Variants in C10orf90 observed in about 807,000 individuals in gnomAD.
C10orf90 encodes the protein (E2-independent) E3 ubiquitin-conjugating enzyme FATS.
A neutral mutation model predicts 62.5 loss-of-function variants in C10orf90; 56 were observed. The ratio of observed to expected loss-of-function variants is 0.90; its 90% CI spans 0.72 to 1.12. The LOEUF (loss-of-function observed/expected upper bound fraction) is 1.12. Among genes scored for constraint, C10orf90 ranks in the 50% most tolerant of loss-of-function variants. The pLI, the probability that C10orf90 is intolerant of heterozygous loss-of-function variation, is 0.00. For synonymous variants in C10orf90, 386 were observed against 340.4 expected (o/e 1.13, Z -1.47); for missense variants, 970 against 880.4 (o/e 1.10, Z -1.29).
chr10:126,662,018 G>C (rs1191412494), intron 1 of C10orf90, among the ~76,000 whole-genome samples: 1 of 151,094 alleles, frequency 6.6e-6, no homozygotes, highest in Non-Finnish European at 1.5e-5. Context: ...TTCTTTGAAT[G>C]TTTAGTAATT....
chr10:126,623,805 C>G (rs982580787), intron 2 of C10orf90, among the ~76,000 whole-genome samples: 3 of 141,134 alleles, frequency 2.1e-5, no homozygotes, highest in African/African-American at 8.1e-5. Context: ...CACGCCACTG[C>G]ATTCCAGCCT....
chr10:126,442,633 G>GTGTT (rs1160734939), intron 7 of C10orf90, among the ~76,000 whole-genome samples: 3 of 88,478 alleles, frequency 3.4e-5, no homozygotes, highest in African/African-American at 1.6e-4. Flanking sequence ...TTGTGTGTGT[G>GTGTT]TATATATATA....
rs941971374 is a variant in C10orf90 at position 126,456,803 on chromosome 10, T to C, written c.2188+2237A>G. On this transcript the variant is annotated intron_variant, in intron 7 of 9. Coordinates refer to ENST00000488181, the MANE Select transcript of C10orf90 (RefSeq NM_001350921.2). The surrounding 1 kb of genome is among the most constrained non-coding windows in gnomAD (Gnocchi z 4.9). Reference sequence around the variant, plus strand: ...CAGAGGCAGAGACTGTAGTGCCGCATCTACAAACCAAGGAACATCAAGGAT... The same window carrying C: ...CAGAGGCAGAGACTGTAGTGCCGCACCTACAAACCAAGGAACATCAAGGAT... 8.6e-5 allele frequency among the ~76,000 whole-genome samples: 13 copies of C among 152,030 alleles called. No individual in the cohort carries two copies. The East Asian group carries it at 2.1e-3, about 25-fold the overall frequency.
intron 1 of C10orf90, among the ~76,000 whole-genome samples, chr10:126,647,307 C>A (rs963420917): frequency 1.3e-5 from 2 of 152,190 alleles, no homozygotes; most frequent in African/African-American, 4.8e-5. Flanking sequence ...AGCTGGAGAG[C>A]AACTGTCCTG....
At chr10:126,598,874 C>T (rs1484985332) in intron 2 of C10orf90, among the ~76,000 whole-genome samples, 4 of 151,926 alleles carry the variant, frequency 2.6e-5, no homozygotes, top group East Asian at 3.9e-4. Context: ...TTCCTTTTTT[C>T]GTCCTTCTTT....
At chr10:126,429,059 T>A (rs1012648160) in intron 8 of C10orf90, among the ~76,000 whole-genome samples, 1 of 152,208 alleles carries the variant, frequency 6.6e-6, no homozygotes, top group African/African-American at 2.4e-5. Context: ...TTTGATTTAA[T>A]TATGATAATT....
At chr10:126,435,557 C>T (rs779235985) in intron 7 of C10orf90, among the ~76,000 whole-genome samples, 10 of 152,152 alleles carry the variant, frequency 6.6e-5, no homozygotes, top group Non-Finnish European at 1.2e-4. Context: ...AGCCACAAGC[C>T]TCCCCAGATC....
At chr10:126,526,556 T>A (rs1591070170) in intron 2 of C10orf90, among the ~76,000 whole-genome samples, 2 of 152,328 alleles carry the variant, frequency 1.3e-5, no homozygotes, top group East Asian at 1.9e-4. Flanking sequence ...CTAATTTTTT[T>A]AATAACAGCT....
intron 3 of C10orf90, among the ~76,000 whole-genome samples, chr10:126,512,378 G>C (rs868403885): frequency 7.3e-5 from 4 of 54,814 alleles, no homozygotes; most frequent in African/African-American, 4.0e-4. Context: ...GTGTCTGTGT[G>C]TGTGTGTCTG....
chr10:126,478,800 C>A (rs1380626913), intron 4 of C10orf90, among the ~76,000 whole-genome samples: 1 of 152,122 alleles, frequency 6.6e-6, no homozygotes, highest in Non-Finnish European at 1.5e-5. Context: ...AATGTGCCAA[C>A]TCCTTTCTTG....
intron 2 of C10orf90, among the ~76,000 whole-genome samples, chr10:126,603,922 G>A (rs565245027): frequency 3.9e-5 from 6 of 152,276 alleles, no homozygotes; most frequent in Admixed American, 2.0e-4. Context: ...TTGCTTCACC[G>A]CAAATCCAGA....
chr10:126,478,453 TAAGGCACGACTTTA>T (rs1185985450), intron 4 of C10orf90, among the ~76,000 whole-genome samples: 1 of 152,220 alleles, frequency 6.6e-6, no homozygotes, highest in Admixed American at 6.5e-5. Flanking sequence ...GGCCCATAGC[TAAGGCACGACTTTA>T]AACAGGGGAT....
chr10:126,669,505 C>T (rs180936080), intron 1 of C10orf90, among the ~76,000 whole-genome samples: 7 of 152,300 alleles, frequency 4.6e-5, no homozygotes, highest in Admixed American at 4.6e-4. Flanking sequence ...GGTAAATGAG[C>T]TATATGGGAG....
chr10:126,579,071 T>TTTTTA, intron 2 of C10orf90, among the ~76,000 whole-genome samples: 1 of 142,562 alleles, frequency 7.0e-6, no homozygotes, highest in South Asian at 2.3e-4. Flanking sequence ...AGTTTTTTTT[T>TTTTTA]AAAAAAAAAA....
chr10:126,560,288 T>C (rs1179401987), intron 2 of C10orf90, among the ~76,000 whole-genome samples: 1 of 152,190 alleles, frequency 6.6e-6, no homozygotes, highest in Non-Finnish European at 1.5e-5. Flanking sequence ...AATTTCAGCA[T>C]TCACTTGCAA....
intron 2 of C10orf90, among the ~76,000 whole-genome samples, chr10:126,614,037 G>A (rs1162179539): frequency 6.6e-6 from 1 of 152,166 alleles, no homozygotes; most frequent in Non-Finnish European, 1.5e-5. Context: ...TAATATGGGT[G>A]GGTTACATGT....
chr10:126,559,829 T>C (rs1156270380), intron 2 of C10orf90, among the ~76,000 whole-genome samples: 1 of 152,172 alleles, frequency 6.6e-6, no homozygotes, highest in African/African-American at 2.4e-5. Flanking sequence ...TCAGGAATAT[T>C]TTTTCCTAGT....
intron 2 of C10orf90, among the ~76,000 whole-genome samples, chr10:126,582,333 G>A (rs1229495116): frequency 2.6e-5 from 4 of 152,216 alleles, no homozygotes; most frequent in Non-Finnish European, 4.4e-5. Context: ...CTTTGGATTT[G>A]AAGTGTGCAG....
chr10:126,554,061 C>A (rs1864701226), intron 2 of C10orf90, among the ~76,000 whole-genome samples: 1 of 152,044 alleles, frequency 6.6e-6, no homozygotes, highest in Non-Finnish European at 1.5e-5. Context: ...GACAGACACA[C>A]ACGCACACAC....
Sources: allele counts gnomAD v4.1 joint callset (sites outside exome capture counted in the v4.1 genomes callset), GRCh38; gene constraint gnomAD v4.1.1; non-coding constraint Gnocchi (gnomAD v3.1); transcripts MANE v1.5; gene names NCBI Gene and HGNC (gene_info 2026-07-23, HGNC 2026-07-21).